The following MTR variants were observed in gnomAD, a reference collection of about 807,000 sequenced individuals.
MTR encodes 5-methyltetrahydrofolate-homocysteine methyltransferase, also known as methionine synthase.
Under a neutral mutation model 154.8 loss-of-function variants are expected in MTR, and 84 were observed. The observed-to-expected ratio is 0.54, with a 90% confidence interval of 0.45 to 0.65. MTR has a LOEUF of 0.65. Ranked by LOEUF, MTR falls within the 30% of genes least tolerant of loss-of-function variation. The pLI, the probability that MTR is intolerant of heterozygous loss-of-function variation, is 0.00. For synonymous variants in MTR, 554 were observed against 553.9 expected (o/e 1.00, Z 0.00); for missense variants, 1,275 against 1,570.2 (o/e 0.81, Z 3.18).
At chr1:236,894,623 G>A (rs1421113911) in intron 30 of MTR, 66 bp downstream of exon 30, 2 of 1,569,070 alleles carry the variant, frequency 1.3e-6, no homozygotes, top group East Asian at 2.2e-5. Context: ...CCTGGGGTGG[G>A]TGCCTGAAGA....
rs201975748 is a variant in MTR, at chr1:236,795,712, C to G, written c.9C>G (p.Pro3=). 2.5e-6 allele frequency: 4 copies of G among 1,614,182 alleles called. No individual in the cohort carries two copies. The highest frequency in any genetic ancestry group is 3.4e-6 in the Non-Finnish European group (4 of 1,180,034). The part of the protein sequence containing the change: MS[P]ALQDLSQPEG... The stretch of plus-strand genomic sequence containing the variant: ...GGAGGAGACTCGACAACATGTCACC[C>G]GCGCTCCAAGACCTGTCGCAACCCG... Residue 3 remains proline (P), a synonymous_variant, in exon 1 of 33, where the codon CCC becomes CCG. Transcript: ENST00000366577.
At chr1:236,891,496 A>C (rs1451811773) in intron 29 of MTR, among the ~76,000 whole-genome samples, 167 bp downstream of exon 29, 2 of 152,184 alleles carry the variant, frequency 1.3e-5, no homozygotes, top group African/African-American at 4.8e-5. Flanking sequence ...ATCTGTGAGG[A>C]CGAGGGAGAG....
upstream of MTR, chr1:236,795,291 C>T (rs556504622): frequency 8.3e-7 from 1 of 1,209,196 alleles, no homozygotes; most frequent in Admixed American, 3.2e-5. Flanking sequence ...AGATTGAGCG[C>T]AGAACTAACC....
At chr1:236,884,357 T>C (rs570538475) in intron 25 of MTR, among the ~76,000 whole-genome samples, 2 of 152,300 alleles carry the variant, frequency 1.3e-5, no homozygotes, top group South Asian at 4.2e-4. Flanking sequence ...TAGAATATCT[T>C]TGAAACCTTG....
intron 22 of MTR, among the ~76,000 whole-genome samples, chr1:236,869,576 C>T (rs1665008343): frequency 6.6e-6 from 1 of 152,300 alleles, no homozygotes; most frequent in East Asian, 1.9e-4. Flanking sequence ...TTTAGCCTCC[C>T]ATGTGGCGAA....
rs777641850 is a variant in MTR, at chr1:236,900,370, A to G, written c.*2726A>G. On this transcript the variant is annotated 3_prime_UTR_variant, in exon 33 of 33. Transcript: ENST00000366577. ...CCAAAAACAAGCAAAACCAAAGAAT[A>G]TGTAGTCTAAGCATACGTATACAAT... 39 of 179,644 alleles carry G rather than the reference A, an allele frequency of 2.2e-4. No individual in the cohort carries two copies. Among genetic ancestry groups the G allele is most frequent in the Non-Finnish European group, 4.2e-4 (35 of 83,818 alleles). The allele number at this position is 179,644 out of a possible 1,614,324, so 11.1% of individuals were successfully genotyped here. A position where few individuals can be genotyped will look rare whatever the true frequency, so the allele number is the denominator to read the frequency against.
At chr1:236,836,990 T>C (rs2103157291) in intron 14 of MTR, among the ~76,000 whole-genome samples, 1 of 152,362 alleles carries the variant, frequency 6.6e-6, no homozygotes, top group East Asian at 1.9e-4. Flanking sequence ...GGACCCCATG[T>C]AACTCAATAC....
At chr1:236,877,807 A>G (rs1169091491) in intron 24 of MTR, among the ~76,000 whole-genome samples, 1 of 152,176 alleles carries the variant, frequency 6.6e-6, no homozygotes, top group Non-Finnish European at 1.5e-5. Context: ...CTATTGCCAC[A>G]TAGTTTTCCA....
intron 22 of MTR, among the ~76,000 whole-genome samples, chr1:236,868,936 A>G (rs1008600406): frequency 6.6e-6 from 1 of 152,224 alleles, no homozygotes; most frequent in African/African-American, 2.4e-5. Flanking sequence ...AGGAGAGATC[A>G]ACAATTTGTT....
At chr1:236,823,638 C>G (rs1662104251) in intron 8 of MTR, among the ~76,000 whole-genome samples, 2 of 152,194 alleles carry the variant, frequency 1.3e-5, no homozygotes, top group African/African-American at 4.8e-5. Flanking sequence ...CACCCACTGA[C>G]AACCTTATAG....
rs1182993888 is a variant in MTR, at chr1:236,901,524, CT to C, written c.*3881del. Reference sequence around the variant, plus strand: ...AACACCATCAACCTGGGAGTTGCCCCTGACCCCTCCAGTCTTAGCTCCTGCT... The same window carrying C: ...AACACCATCAACCTGGGAGTTGCCCCGACCCCTCCAGTCTTAGCTCCTGCT... On this transcript the variant is annotated 3_prime_UTR_variant, in exon 33 of 33. Coordinates refer to ENST00000366577, the MANE Select transcript of MTR (RefSeq NM_000254.3). 4 of 152,262 alleles carry C rather than the reference CT, an allele frequency of 2.6e-5. No homozygotes were observed. The highest frequency in any genetic ancestry group is 5.9e-5 in the Non-Finnish European group (4 of 68,092). The allele number at this position is 152,262 out of a possible 1,614,324, so 9.4% of individuals were successfully genotyped here.
chr1:236,821,921 C>CT (rs1661978411), intron 8 of MTR, among the ~76,000 whole-genome samples: 1 of 150,280 alleles, frequency 6.7e-6, no homozygotes, highest in African/African-American at 2.5e-5. Flanking sequence ...CTATTTGTCT[C>CT]TTCTTACACC....
intron 15 of MTR, among the ~76,000 whole-genome samples, chr1:236,845,228 G>C (rs1663499212): frequency 6.6e-6 from 1 of 152,162 alleles, no homozygotes; most frequent in African/African-American, 2.4e-5. Context: ...TTAGTGCTTG[G>C]TCTTGTCTAA....
intron 2 of MTR, among the ~76,000 whole-genome samples, chr1:236,805,568 G>A (rs1660935089): frequency 6.6e-6 from 1 of 152,124 alleles, no homozygotes; most frequent in African/African-American, 2.4e-5. Flanking sequence ...CTAGCCCACT[G>A]TGGCTCACTT....
At chr1:236,806,063 G>T (rs1205045855) in intron 2 of MTR, 81 bp from the exon 3 acceptor site, 2 of 1,122,066 alleles carry the variant, frequency 1.8e-6, no homozygotes, top group Non-Finnish European at 2.7e-6. Flanking sequence ...GCTGATAATG[G>T]TGGTAATGAA....
At position 236,903,235 on chromosome 1, in the gene MTR, T is replaced by C. The variant is rs1004835838; in HGVS notation, c.*5591T>C. 2 of 152,264 alleles carry C rather than the reference T, an allele frequency of 1.3e-5. No homozygotes were observed. The highest frequency in any genetic ancestry group is 4.8e-5 in the African/African-American group (2 of 41,478). 9.4% of individuals were successfully genotyped at this position (152,264 alleles called of 1,614,324 possible). ...GAGGTGAGGGAACTCATGGTTTGGCTATTTCTCGTTCTTTCTGCACTGTTT... is the reference window on the plus strand; with the variant it reads ...GAGGTGAGGGAACTCATGGTTTGGCCATTTCTCGTTCTTTCTGCACTGTTT... On this transcript the variant is annotated 3_prime_UTR_variant, in exon 33 of 33. Transcript: ENST00000366577.
chr1:236,814,008 C>T lies in MTR; in HGVS notation c.609+1164C>T, dbSNP rs1385643127. Among the ~76,000 whole-genome samples the T allele has an allele frequency of 5.9e-5, 9 of 152,068 alleles. 1 individual carries two copies. The highest frequency in any genetic ancestry group is 1.3e-4 in the Admixed American group (2 of 15,272). On this transcript the variant is annotated intron_variant, in intron 6 of 32. Coordinates refer to ENST00000366577, the MANE Select transcript of MTR (RefSeq NM_000254.3). Reference sequence around the variant, plus strand: ...AAAATGGAAAAATGGCCTTTTCCTCCGTAGTACTTTACAGTTTCATTAAAT... The same window carrying T: ...AAAATGGAAAAATGGCCTTTTCCTCTGTAGTACTTTACAGTTTCATTAAAT...
Position 236,895,359 on chromosome 1 carries a change from C to T in MTR, c.3407C>T (p.Ala1136Val). 6.3e-7 allele frequency: 1 copy of T among 1,593,984 alleles called. No individual in the cohort carries two copies. The highest frequency in any genetic ancestry group is 1.3e-5 in the African/African-American group (1 of 74,820). The change falls in exon 31 of 33, where the codon GCC (alanine) becomes GTC (valine). Residue 1136 changes from alanine (A) to valine (V), a missense_variant and splice_region_variant. Ala to Val is a moderately conservative substitution (Grantham distance 64). Transcript: ENST00000366577. ...VKALGDRLAE[A>V]FAEELHERVR... ...ATGCCTGCTGCTTTGGGTCCCAAGG[C>T]CTTTGCAGAAGAGCTCCATGAAAGA...
chr1:236,814,657 G>C (rs1440899212), intron 6 of MTR, among the ~76,000 whole-genome samples: 1 of 152,046 alleles, frequency 6.6e-6, no homozygotes, highest in African/African-American at 2.4e-5. Flanking sequence ...TGGATCTAGT[G>C]TTTTCTATCA....
Sources: gnomAD v4.1 joint callset for allele counts (sites outside exome capture counted in the v4.1 genomes callset) on GRCh38, gnomAD v4.1.1 for gene constraint, MANE v1.5 for transcripts, NCBI Gene and HGNC (gene_info 2026-07-23, HGNC 2026-07-21) for gene names.